The following FRAS1 variants were observed in gnomAD, a reference collection of about 807,000 sequenced individuals.
FRAS1 encodes extracellular matrix organizing protein FRAS1.
Under a neutral mutation model 435.2 loss-of-function variants are expected in FRAS1, and 290 were observed. The observed-to-expected ratio is 0.67, with a 90% CI of 0.61 to 0.73. The LOEUF (loss-of-function observed/expected upper bound fraction) is 0.73, where lower values mean the gene tolerates loss of function less well. FRAS1 is among the 30% of genes least tolerant of loss of function. FRAS1 has a pLI of 0.00. For missense variants in FRAS1, 4,860 were observed against 5,001.5 expected (o/e 0.97, Z 0.85); for synonymous variants, 1,800 against 1,851.0 (o/e 0.97, Z 0.71).
intron 20 of FRAS1, among the ~76,000 whole-genome samples, chr4:78,362,918 G>A (rs1578274410): frequency 6.6e-6 from 1 of 152,150 alleles, no homozygotes; most frequent in Non-Finnish European, 1.5e-5. Context: ...TTTGGAAAAA[G>A]CAACATTCAA....
In FRAS1 at chr4:78,374,088, ATGACT is replaced by A. The variant is rs1731617954; in HGVS notation, c.3011-16_3011-12del. 5 of 1,553,150 alleles carry A rather than the reference ATGACT, an allele frequency of 3.2e-6. 1 individual carries two copies. The highest frequency in any genetic ancestry group is 2.7e-5 in the African/African-American group (2 of 73,842). On this transcript the variant is annotated intron_variant, in intron 24 of 73. Coordinates refer to ENST00000512123, the MANE Select transcript of FRAS1 (RefSeq NM_025074.7). ...CCCTGGAAAGCCACACAGATTCCTGATGACTTGACTTTTGTCTTTCAGACTGTGAC... is the reference window on the plus strand; with the variant it reads ...CCCTGGAAAGCCACACAGATTCCTGATGACTTTTGTCTTTCAGACTGTGAC...
Position 78,284,444 on chromosome 4 carries a change from C to T in FRAS1, c.1295C>T (p.Pro432Leu). 1 of 1,613,810 alleles carries T rather than the reference C, an allele frequency of 6.2e-7. No homozygotes were observed. The highest frequency in any genetic ancestry group is 1.1e-5 in the South Asian group (1 of 91,064). ...GATTGTTTGACATGCTCTCAGTCTC[C>T]AGACCACTGTGACCTCTGCCAAGAT... The part of the protein sequence containing the change: ...HPDCLTCSQS[P>L]DHCDLCQDPT... The change falls in exon 13 of 74, where the codon CCA becomes CTA. Residue 432 changes from proline to leucine, a missense_variant. Physicochemically the swap from Pro to Leu is moderately conservative, Grantham distance 98. Coordinates refer to ENST00000512123, the MANE Select transcript of FRAS1 (RefSeq NM_025074.7).
At chr4:78,281,298 T>C in intron 10 of FRAS1, 100 bp from the exon 11 acceptor site, 1 of 749,948 alleles carries the variant, frequency 1.3e-6, no homozygotes, top group Non-Finnish European at 2.2e-6. Flanking sequence ...TAAAGTTGCA[T>C]GTTCCTTGGG....
rs748768372 is a variant in FRAS1 at position 78,121,288 on chromosome 4, A to G, written c.108+55272A>G. ...GCTAAAGTAAAACAAGTTTCTTTGA[A>G]CTATTTGGTCTGGTGCCTGACTGAT... is the stretch of plus-strand genomic sequence containing the variant. On this transcript the variant is annotated intron_variant, in intron 2 of 73. Transcript: ENST00000512123. 4.6e-5 allele frequency among the ~76,000 whole-genome samples: 7 copies of G among 152,308 alleles called. No homozygotes were observed. In the East Asian group the frequency reaches 5.8e-4, roughly 13 times the overall value.
At chr4:78,114,864 A>G (rs1743035645) in intron 2 of FRAS1, among the ~76,000 whole-genome samples, 1 of 152,154 alleles carries the variant, frequency 6.6e-6, no homozygotes, top group Non-Finnish European at 1.5e-5. Context: ...TTCCAACACT[A>G]TGTTGAATAG....
intron 2 of FRAS1, among the ~76,000 whole-genome samples, chr4:78,214,395 G>A (rs1181609443): frequency 6.6e-6 from 1 of 152,186 alleles, no homozygotes; most frequent in Admixed American, 6.5e-5. Context: ...AAATGTTTAA[G>A]CAAACACAGA....
At chr4:78,435,641 G>C (rs1335541501) in intron 38 of FRAS1, among the ~76,000 whole-genome samples, 1 of 152,034 alleles carries the variant, frequency 6.6e-6, no homozygotes, top group African/African-American at 2.4e-5. Flanking sequence ...AGGAGGCTGA[G>C]GCATGAGAAT....
chr4:78,404,817 CTGT>C (rs1276803263), intron 30 of FRAS1, among the ~76,000 whole-genome samples: 2 of 152,224 alleles, frequency 1.3e-5, no homozygotes, highest in Non-Finnish European at 2.9e-5. Flanking sequence ...ATCTTAGCTA[CTGT>C]TGTTACCACT....
chr4:78,387,663 T>C lies in FRAS1; in HGVS notation c.3937T>C (p.Phe1313Leu). ...AVLQANDGHS[F>L]HNILFQVKTV... ...CTTGCAGGCCAATGATGGACACTCC[T>C]TCCATAATATACTGTTCCAAGTGAA... Residue 1313 changes from phenylalanine (F) to leucine (L), a missense_variant, in exon 29 of 74, where the codon TTC becomes CTC. Phe to Leu is a conservative substitution (Grantham distance 22, BLOSUM62 0). Coordinates refer to ENST00000512123, the MANE Select transcript of FRAS1 (RefSeq NM_025074.7). 1 of 1,591,286 alleles carries C rather than the reference T, an allele frequency of 6.3e-7. No individual in the cohort carries two copies. The highest frequency in any genetic ancestry group is 8.6e-7 in the Non-Finnish European group (1 of 1,166,880).
At chr4:78,153,542 CA>C (rs1026614700) in intron 2 of FRAS1, among the ~76,000 whole-genome samples, 4 of 152,184 alleles carry the variant, frequency 2.6e-5, no homozygotes, top group African/African-American at 4.8e-5. Context: ...GACTGCTCAA[CA>C]AACCTCCAGA....
At chr4:78,406,353 A>G (rs895014553) in intron 30 of FRAS1, among the ~76,000 whole-genome samples, 4 of 152,206 alleles carry the variant, frequency 2.6e-5, no homozygotes, top group Admixed American at 6.5e-5. Flanking sequence ...AGGCATACCT[A>G]AGACTGGGAA....
rs1720776980 is a variant in FRAS1 at position 78,153,976 on chromosome 4, C to G, written c.109-83534C>G. Among the ~76,000 whole-genome samples the G allele has an allele frequency of 3.3e-5, 5 of 151,972 alleles. No individual in the cohort carries two copies. In the South Asian group the frequency reaches 1.0e-3, roughly 32 times the overall value. ...TTTACTCTACAATTTTTTTCAGAGT[C>G]TTTTGTTCAGCAGAATTTTTTTTCT... On this transcript the variant is annotated intron_variant, in intron 2 of 73. Transcript: ENST00000512123.
intron 6 of FRAS1, among the ~76,000 whole-genome samples, chr4:78,259,866 TC>T (rs1368097836): frequency 6.6e-6 from 1 of 152,118 alleles, no homozygotes; most frequent in Non-Finnish European, 1.5e-5. Context: ...CTTTAATCCA[TC>T]TTGAATTGAT....
intron 2 of FRAS1, among the ~76,000 whole-genome samples, chr4:78,206,309 A>T (rs1241503535): frequency 6.6e-6 from 1 of 152,104 alleles, no homozygotes; most frequent in Non-Finnish European, 1.5e-5. Context: ...AGGGGCCGTG[A>T]GCCAAGGAAT....
At chr4:78,530,528 A>G (rs900112262) in intron 70 of FRAS1, among the ~76,000 whole-genome samples, 2 of 152,178 alleles carry the variant, frequency 1.3e-5, no homozygotes, top group Non-Finnish European at 2.9e-5. Flanking sequence ...AATACAAGCA[A>G]TGGGGAAAGG....
rs797044696 is a variant in FRAS1, at chr4:78,379,798, A to AT, written c.3370dup (p.Ser1124PhefsTer11). On this transcript the variant is annotated frameshift_variant, in exon 27 of 74. Transcript: ENST00000512123. LOFTEE classifies it high-confidence loss of function. ...CCAATTGGTTCAATAAAGCCACTGG[A>AT]TTTTTCCCTCCTGAATGTCCAAGAC... 1.2e-6 allele frequency: 2 copies of AT among 1,613,670 alleles called. No individual in the cohort carries two copies. The highest frequency in any genetic ancestry group is 1.7e-6 in the Non-Finnish European group (2 of 1,179,804).
chr4:78,270,533 C>A (rs1377028172), intron 9 of FRAS1, among the ~76,000 whole-genome samples: 2 of 125,744 alleles, frequency 1.6e-5, no homozygotes, highest in Non-Finnish European at 3.3e-5. Context: ...CCAGCCACCG[C>A]CCCCCGCCAC....
chr4:78,098,854 C>T (rs1047596298), intron 2 of FRAS1, among the ~76,000 whole-genome samples: 2 of 152,124 alleles, frequency 1.3e-5, no homozygotes, highest in African/African-American at 4.8e-5. Flanking sequence ...TTTTAAAAGC[C>T]AGAGCTAAGC....
At chr4:78,284,332 C>A in intron 12 of FRAS1, 73 bp from the exon 13 acceptor site, 2 of 1,306,140 alleles carry the variant, frequency 1.5e-6, no homozygotes, top group Non-Finnish European at 2.1e-6. Context: ...TTTGTAGATT[C>A]TTTTCTGAAG....
Sources: gnomAD v4.1 joint callset for allele counts (sites outside exome capture counted in the v4.1 genomes callset) on GRCh38, gnomAD v4.1.1 for gene constraint, MANE v1.5 for transcripts, NCBI Gene and HGNC (gene_info 2026-07-23, HGNC 2026-07-21) for gene names.